Variants in PRPH2 observed in about 807,000 individuals in gnomAD.
PRPH2 encodes the protein peripherin 2, also known as peripherin-2.
A neutral mutation model predicts 31.3 loss-of-function variants in PRPH2; 17 were observed. That is an observed-to-expected ratio of 0.54 (90% CI 0.37 to 0.81). The LOEUF (loss-of-function observed/expected upper bound fraction) is 0.81. Among genes scored for constraint, PRPH2 ranks in the 40% least tolerant of loss-of-function variants. PRPH2 has a pLI of 0.00. For missense variants in PRPH2, 430 were observed against 439.7 expected (o/e 0.98, Z 0.20); for synonymous variants, 165 against 184.4 (o/e 0.89, Z 0.85).
chr6:42,698,121 G>A lies in PRPH2; in HGVS notation c.*174C>T, dbSNP rs73426412. 6.6e-3 allele frequency: 5,520 copies of A among 831,710 alleles called. 193 individuals are homozygous for A. In the African/African-American group the frequency reaches 0.085, roughly 13 times the overall value. 51.5% of individuals were successfully genotyped at this position (831,710 alleles called of 1,614,324 possible). A position where few individuals can be genotyped will look rare whatever the true frequency, so the allele number is the denominator to read the frequency against. Reference sequence around the variant, plus strand: ...ATTTTGGGTCAGTCATTCAACAACTGTGTGTCAAATGCTTTTAGGGACCCT... The same window carrying A: ...ATTTTGGGTCAGTCATTCAACAACTATGTGTCAAATGCTTTTAGGGACCCT... On this transcript the variant is annotated 3_prime_UTR_variant, in exon 3 of 3. Coordinates refer to ENST00000230381, the MANE Select transcript of PRPH2 (RefSeq NM_000322.5).
intron 1 of PRPH2, among the ~76,000 whole-genome samples, chr6:42,719,800 C>T (rs1360645246): frequency 6.6e-6 from 1 of 151,784 alleles, no homozygotes; most frequent in Non-Finnish European, 1.5e-5. Flanking sequence ...AACTCCTGAA[C>T]TCAGGTGATC....
At chr6:42,708,495 G>A (rs1800214392) in intron 1 of PRPH2, among the ~76,000 whole-genome samples, 3 of 152,286 alleles carry the variant, frequency 2.0e-5, no homozygotes, top group East Asian at 3.9e-4. Context: ...CGGGCCTCCC[G>A]CTCCCCTCTA....
At chr6:42,717,132 GC>G (rs1761803358) in intron 1 of PRPH2, among the ~76,000 whole-genome samples, 1 of 149,784 alleles carries the variant, frequency 6.7e-6, no homozygotes, top group African/African-American at 2.4e-5. Context: ...AGATTTTGTG[GC>G]CAGGAGCGGT....
At chr6:42,698,582 G>T (rs975323184) in intron 2 of PRPH2, 75 bp from the exon 3 acceptor site, 1 of 1,586,056 alleles carries the variant, frequency 6.3e-7, no homozygotes, top group Non-Finnish European at 8.6e-7. Flanking sequence ...AACCACAGGA[G>T]CCTCAAATTG....
chr6:42,698,534 G>T, intron 2 of PRPH2, 27 bp from the exon 3 acceptor site: 1 of 1,613,688 alleles, frequency 6.2e-7, no homozygotes, highest in South Asian at 1.1e-5. Flanking sequence ...AGATTTAGAG[G>T]CAATCTGGGA....
At chr6:42,699,559 C>T (rs1316569425) in intron 2 of PRPH2, among the ~76,000 whole-genome samples, 4 of 152,192 alleles carry the variant, frequency 2.6e-5, no homozygotes, top group Admixed American at 2.0e-4. Context: ...TGGTGCCCAC[C>T]CCGTGTGGAT....
intron 1 of PRPH2, among the ~76,000 whole-genome samples, chr6:42,715,544 G>A (rs797014400): frequency 2.0e-5 from 3 of 152,034 alleles, no homozygotes; most frequent in South Asian, 2.1e-4. Context: ...GGAGGTGCAC[G>A]CCTGTAATCC....
At chr6:42,705,386 C>G (rs1233485773) in intron 1 of PRPH2, among the ~76,000 whole-genome samples, 1 of 151,274 alleles carries the variant, frequency 6.6e-6, no homozygotes, top group Non-Finnish European at 1.5e-5. Flanking sequence ...GGGTGATTAC[C>G]CAGGTGTTTT....
chr6:42,722,514 G>A lies in PRPH2; in HGVS notation c.-180C>T. ...GCCTGGGATCCCCGTGAATGCAGTA[G>A]TGGTGGCAGGGGTCTCGGAATCACA... On this transcript the variant is annotated 5_prime_UTR_variant, in exon 1 of 3. Transcript: ENST00000230381. This position sits in a 1 kb window ranked among gnomAD's most constrained non-coding sequence, Gnocchi z 4.4. 2.0e-6 allele frequency: 3 copies of A among 1,478,014 alleles called. No individual in the cohort carries two copies. In the African/African-American group the frequency reaches 4.2e-5, roughly 21 times the overall value. 91.6% of individuals were successfully genotyped at this position (1,478,014 alleles called of 1,614,324 possible). A position where few individuals can be genotyped will look rare whatever the true frequency, so the allele number is the denominator to read the frequency against.
intron 2 of PRPH2, among the ~76,000 whole-genome samples, chr6:42,701,754 T>TCCTGAGCTC (rs1165399752): frequency 6.8e-6 from 1 of 147,408 alleles, no homozygotes; most frequent in Non-Finnish European, 1.5e-5. Flanking sequence ...GGTCTTGAAC[T>TCCTGAGCTC]CCTGAGCTCA....
At chr6:42,715,475 A>G (rs1761760146) in intron 1 of PRPH2, among the ~76,000 whole-genome samples, 2 of 152,098 alleles carry the variant, frequency 1.3e-5, no homozygotes, top group South Asian at 4.1e-4. Flanking sequence ...GTTCGAGGCC[A>G]GCCTGACCAA....
intron 1 of PRPH2, among the ~76,000 whole-genome samples, chr6:42,719,594 G>A (rs1761858094): frequency 1.7e-5 from 2 of 117,700 alleles, no homozygotes; most frequent in Non-Finnish European, 3.4e-5. Context: ...TTTTGAGACA[G>A]AGTTTTGCTC....
At chr6:42,717,266 A>T (rs1582776401) in intron 1 of PRPH2, among the ~76,000 whole-genome samples, 1 of 151,818 alleles carries the variant, frequency 6.6e-6, no homozygotes. Flanking sequence ...TACAAAAAAA[A>T]ATAAATAGGT....
intron 1 of PRPH2, among the ~76,000 whole-genome samples, chr6:42,716,352 G>C (rs1761778232): frequency 6.6e-6 from 1 of 151,774 alleles, no homozygotes; most frequent in Admixed American, 6.6e-5. Flanking sequence ...TTGAAACCAG[G>C]AGTTCAAGAC....
chr6:42,704,581 G>C lies in PRPH2; in HGVS notation c.612C>G (p.Tyr204Ter), dbSNP rs1554269081. ...AGCTGAAAGGGACGCCGTCCACCAG[G>C]TACCGCCCATCCACGTTGCTCTTGA... Reference protein sequence around the residue: ...DRIKSNVDGRYLVDGVPFSCC... With the variant: ...DRIKSNVDGR The change falls in exon 2 of 3, where the codon TAC (tyrosine) becomes TAG (stop). Residue 204 changes from tyrosine (Y) to a stop codon, truncating the protein, a stop_gained. Transcript: ENST00000230381. LOFTEE classifies it high-confidence loss of function. The C allele has an allele frequency of 6.2e-7, 1 of 1,614,160 alleles. No individual in the cohort carries two copies. The highest frequency in any genetic ancestry group is 8.5e-7 in the Non-Finnish European group (1 of 1,180,036).
chr6:42,700,119 C>T (rs1283270072), intron 2 of PRPH2, among the ~76,000 whole-genome samples: 1 of 152,138 alleles, frequency 6.6e-6, no homozygotes, highest in Non-Finnish European at 1.5e-5. Context: ...AAACTTGGCA[C>T]CACGCCTGGC....
Position 42,703,420 on chromosome 6 carries a change from A to G in PRPH2, c.828+945T>C, listed in dbSNP as rs145021106. ...AGAAGCACAAATCCAAACAGTACCC[A>G]TTTCCTGAACACCTGCACATGCTGT... On this transcript the variant is annotated intron_variant, in intron 2 of 2. Transcript: ENST00000230381. Among the ~76,000 whole-genome samples the G allele has an allele frequency of 5.1e-4, 77 of 152,176 alleles. 1 individual carries two copies. The East Asian group carries it at 8.5e-3, about 17-fold the overall frequency.
Position 42,717,095 on chromosome 6 carries a change from G to A in PRPH2, c.581+4659C>T, listed in dbSNP as rs1303804947. On this transcript the variant is annotated intron_variant, in intron 1 of 2. Coordinates refer to ENST00000230381, the MANE Select transcript of PRPH2 (RefSeq NM_000322.5). ...GTGCTAGGATTACAAGCATGAGCCC[G>A]CACCTGGCCAAGAATTTCTTTTAAA... 4.2e-5 allele frequency among the ~76,000 whole-genome samples: 6 copies of A among 142,336 alleles called. 1 individual carries two copies. Among genetic ancestry groups the A allele is most frequent in the African/African-American group, 7.7e-5 (3 of 38,846 alleles). 93.4% of individuals were successfully genotyped at this position (142,336 alleles called of 152,430 possible).
chr6:42,698,607 G>A (rs1799991565), intron 2 of PRPH2, 100 bp from the exon 3 acceptor site: 4 of 1,523,596 alleles, frequency 2.6e-6, no homozygotes, highest in South Asian at 2.4e-5. Flanking sequence ...TCCCAGAGAG[G>A]ACTCAACCTG....
Sources: gnomAD v4.1 joint callset for allele counts (sites outside exome capture counted in the v4.1 genomes callset) on GRCh38, gnomAD v4.1.1 for gene constraint, Gnocchi (gnomAD v3.1) non-coding constraint, MANE v1.5 for transcripts, NCBI Gene and HGNC (gene_info 2026-07-23, HGNC 2026-07-21) for gene names.